The following CACNA2D3 variants were observed in gnomAD, a reference collection of about 807,000 sequenced individuals.
CACNA2D3 encodes voltage-dependent calcium channel subunit alpha-2/delta-3.
A neutral mutation model predicts 160.6 loss-of-function variants in CACNA2D3; 60 were observed. The observed-to-expected ratio is 0.37, with a 90% CI of 0.30 to 0.46. CACNA2D3 has a LOEUF of 0.46. Among genes scored for constraint, CACNA2D3 ranks in the 20% least tolerant of loss-of-function variants. The probability of loss-of-function intolerance (pLI) is 1.00; values close to 1 mark genes in which losing one functional copy is unlikely to be tolerated. For missense variants in CACNA2D3, 1,205 were observed against 1,365.0 expected (o/e 0.88, Z 1.85); for synonymous variants, 558 against 492.9 (o/e 1.13, Z -1.75).
chr3:54,467,985 G>T (rs1040855680), intron 4 of CACNA2D3, among the ~76,000 whole-genome samples: 1 of 152,248 alleles, frequency 6.6e-6, no homozygotes, highest in South Asian at 2.1e-4. Context: ...ACATCATATT[G>T]TGTAAATATG....
chr3:54,194,950 A>C (rs773166683), intron 2 of CACNA2D3, among the ~76,000 whole-genome samples: 1 of 152,196 alleles, frequency 6.6e-6, no homozygotes, highest in Non-Finnish European at 1.5e-5. Flanking sequence ...TCTTCTGTGA[A>C]AGGGCCTCCT....
At chr3:54,921,650 A>G (rs1010798856) in intron 27 of CACNA2D3, among the ~76,000 whole-genome samples, 1 of 152,118 alleles carries the variant, frequency 6.6e-6, no homozygotes, top group Non-Finnish European at 1.5e-5. Flanking sequence ...CAGGCCATAA[A>G]GCCCCCGTGT....
At chr3:54,869,917 C>G (rs952157163) in intron 17 of CACNA2D3, among the ~76,000 whole-genome samples, 2 of 152,184 alleles carry the variant, frequency 1.3e-5, no homozygotes, top group African/African-American at 4.8e-5. Context: ...ACTTTCCTTC[C>G]CCTTCATCTG....
chr3:54,793,882 A>T (rs1296369489), intron 13 of CACNA2D3, among the ~76,000 whole-genome samples: 4 of 152,160 alleles, frequency 2.6e-5, no homozygotes, highest in Non-Finnish European at 5.9e-5. Flanking sequence ...GAAGTTCCTC[A>T]TTCCAAATTC....
intron 2 of CACNA2D3, among the ~76,000 whole-genome samples, chr3:54,178,475 A>G (rs765829455): frequency 5.3e-5 from 8 of 152,158 alleles, no homozygotes; most frequent in Admixed American, 1.3e-4. Flanking sequence ...GAGTCTCCAC[A>G]CTGGCAGATG....
chr3:54,600,616 C>T (rs143580595), intron 9 of CACNA2D3, among the ~76,000 whole-genome samples: 29 of 152,306 alleles, frequency 1.9e-4, no homozygotes, highest in Middle Eastern at 6.8e-3. Flanking sequence ...CTTTGGGGAT[C>T]TGCAGATTGC....
intron 4 of CACNA2D3, among the ~76,000 whole-genome samples, chr3:54,414,220 A>G (rs1005515785): frequency 2.6e-5 from 4 of 152,026 alleles, no homozygotes; most frequent in Admixed American, 6.6e-5. Context: ...TATTCATTCC[A>G]AAAGAACTAC....
At chr3:54,713,834 A>G (rs1339291730) in intron 11 of CACNA2D3, among the ~76,000 whole-genome samples, 1 of 152,234 alleles carries the variant, frequency 6.6e-6, no homozygotes, top group Non-Finnish European at 1.5e-5. Context: ...TTCTACTCTC[A>G]TGCAGTTAAA....
intron 17 of CACNA2D3, among the ~76,000 whole-genome samples, chr3:54,856,845 A>G (rs541766984): frequency 6.6e-6 from 1 of 152,238 alleles, no homozygotes; most frequent in Non-Finnish European, 1.5e-5. Context: ...CAGTGGCACA[A>G]TCTCGGCTCA....
intron 12 of CACNA2D3, among the ~76,000 whole-genome samples, chr3:54,753,312 T>C (rs1437985238): frequency 6.6e-6 from 1 of 152,214 alleles, no homozygotes; most frequent in Non-Finnish European, 1.5e-5. Flanking sequence ...CCTTCTTGCC[T>C]ATAGGTGGGG....
intron 27 of CACNA2D3, among the ~76,000 whole-genome samples, chr3:54,912,353 C>G (rs1700575597): frequency 6.6e-6 from 1 of 152,160 alleles, no homozygotes; most frequent in Non-Finnish European, 1.5e-5. Context: ...AGGCAAGAAT[C>G]ATTGAGAGTT....
intron 11 of CACNA2D3, among the ~76,000 whole-genome samples, chr3:54,746,505 C>A (rs1701755570): frequency 6.6e-6 from 1 of 152,096 alleles, no homozygotes; most frequent in South Asian, 2.1e-4. Flanking sequence ...GGTGAGAAGA[C>A]AGGAAGATGT....
At chr3:54,621,365 C>T (rs907245206) in intron 9 of CACNA2D3, among the ~76,000 whole-genome samples, 1 of 152,220 alleles carries the variant, frequency 6.6e-6, no homozygotes, top group Admixed American at 6.5e-5. Flanking sequence ...CAGAGATAAG[C>T]GGATGTGGCC....
At chr3:54,586,716 G>A (rs1702768960) in intron 9 of CACNA2D3, among the ~76,000 whole-genome samples, 1 of 152,100 alleles carries the variant, frequency 6.6e-6, no homozygotes, top group African/African-American at 2.4e-5. Flanking sequence ...AATAACAGCA[G>A]AATACACGTT....
rs187364843 is a variant in CACNA2D3 at position 54,671,724 on chromosome 3, C to T, written c.1167+29483C>T. 2.2e-4 allele frequency among the ~76,000 whole-genome samples: 34 copies of T among 152,266 alleles called. No individual in the cohort carries two copies. In the East Asian group the frequency reaches 6.4e-3, roughly 29 times the overall value. On this transcript the variant is annotated intron_variant, in intron 11 of 37. Transcript: ENST00000474759. The stretch of plus-strand genomic sequence containing the variant: ...TGCAATAGTCCATGGAGGGAGGGGA[C>T]AAAGTCATTCCCTAGCTGAAGCAGC...
intron 5 of CACNA2D3, among the ~76,000 whole-genome samples, chr3:54,511,809 A>G (rs958610859): frequency 1.3e-5 from 2 of 152,188 alleles, no homozygotes; most frequent in Non-Finnish European, 2.9e-5. Context: ...GAGTTTGTAG[A>G]TGATTTATTT....
chr3:54,435,303 ATC>A (rs1700044139), intron 4 of CACNA2D3, among the ~76,000 whole-genome samples: 1 of 152,140 alleles, frequency 6.6e-6, no homozygotes, highest in Non-Finnish European at 1.5e-5. Context: ...AGATTGTGTC[ATC>A]TCTCCGATCC....
intron 31 of CACNA2D3, among the ~76,000 whole-genome samples, chr3:55,001,260 C>G (rs1217064783): frequency 1.3e-5 from 2 of 152,208 alleles, no homozygotes; most frequent in Non-Finnish European, 2.9e-5. Context: ...TCTGCATTGT[C>G]TATGCCAATG....
At chr3:54,367,048 G>A (rs1442704978) in intron 3 of CACNA2D3, among the ~76,000 whole-genome samples, 1 of 152,222 alleles carries the variant, frequency 6.6e-6, no homozygotes, top group Non-Finnish European at 1.5e-5. Context: ...GTTGTTAGGA[G>A]TGATAAAGTG....
Sources: gnomAD v4.1 joint callset for allele counts (sites outside exome capture counted in the v4.1 genomes callset) on GRCh38, gnomAD v4.1.1 for gene constraint, MANE v1.5 for transcripts, NCBI Gene and HGNC (gene_info 2026-07-23, HGNC 2026-07-21) for gene names.